Variants in TMX1 observed in about 807,000 individuals in gnomAD.
The protein encoded by TMX1 is thioredoxin related transmembrane protein 1.
Under a neutral mutation model 36.6 loss-of-function variants are expected in TMX1, and 25 were observed. That is an observed-to-expected ratio of 0.68 (90% confidence interval 0.50 to 0.95). TMX1 has a LOEUF of 0.95. Ranked by LOEUF, TMX1 falls within the 40% of genes least tolerant of loss-of-function variation. The pLI is 0.00. For synonymous variants in TMX1, 133 were observed against 118.0 expected (o/e 1.13, Z -0.82); for missense variants, 347 against 339.6 (o/e 1.02, Z -0.17).
intron 7 of TMX1, among the ~76,000 whole-genome samples, chr14:51,250,863 G>T (rs1566712335): frequency 6.6e-6 from 1 of 152,136 alleles, no homozygotes; most frequent in East Asian, 1.9e-4. Context: ...TGAATTTATA[G>T]TGTACCTTGT....
At chr14:51,245,987 A>G (rs749846750) in intron 3 of TMX1, 5 of 155,268 alleles carry the variant, frequency 3.2e-5, no homozygotes, top group Admixed American at 1.2e-4. Context: ...GTGTACCCCA[A>G]CATCATGTAG....
At chr14:51,249,632 A>G in intron 6 of TMX1, 61 bp from the exon 7 acceptor site, 2 of 1,594,978 alleles carry the variant, frequency 1.3e-6, no homozygotes, top group South Asian at 1.1e-5. Flanking sequence ...TATTTAAAAT[A>G]GTTACATTAG....
chr14:51,247,325 G>A, intron 4 of TMX1, 105 bp downstream of exon 4: 14 of 1,109,550 alleles, frequency 1.3e-5, no homozygotes, highest in Non-Finnish European at 1.6e-5. Context: ...GAGCTGTTAA[G>A]GTATATCCAC....
chr14:51,249,114 TTTTA>T (rs1386263210), intron 4 of TMX1, among the ~76,000 whole-genome samples: 2 of 152,180 alleles, frequency 1.3e-5, no homozygotes, highest in Non-Finnish European at 2.9e-5. Flanking sequence ...TGTCAAGTAT[TTTTA>T]TTTATGAGGC....
At chr14:51,247,324 A>G in intron 4 of TMX1, 104 bp downstream of exon 4, 4 of 1,140,858 alleles carry the variant, frequency 3.5e-6, no homozygotes, top group Non-Finnish European at 4.8e-6. Context: ...TGAGCTGTTA[A>G]GGTATATCCA....
In TMX1 at chr14:51,244,831, T is replaced by C. The variant is rs79737515; in HGVS notation, c.269-482T>C. Among the ~76,000 whole-genome samples the C allele has an allele frequency of 8.4e-3, 1,282 of 152,326 alleles. 21 individuals carry two copies. Among genetic ancestry groups the C allele is most frequent in the African/African-American group, 0.029 (1,216 of 41,570 alleles). On this transcript the variant is annotated intron_variant, in intron 2 of 7. Coordinates refer to ENST00000457354, the MANE Select transcript of TMX1 (RefSeq NM_030755.5). ...GGTCAATTCTCTGTAATATCAGTGC[T>C]TGACACATGGCTAACAATAAATGTT...
rs2065835119 is a variant in TMX1, at chr14:51,255,656, T to G, written c.*1137T>G. On this transcript the variant is annotated 3_prime_UTR_variant, in exon 8 of 8. Transcript: ENST00000457354. ...TTTTTATATTTTTTAAAAGACAAAC[T>G]TCATATTATCCTGTGTTCTTTCCTG... The G allele has an allele frequency of 6.6e-6, 1 of 152,122 alleles. No homozygotes were observed. The highest frequency in any genetic ancestry group is 1.9e-4 in the East Asian group (1 of 5,202). The allele number at this position is 152,122 out of a possible 1,614,324, so 9.4% of individuals were successfully genotyped here. A position where few individuals can be genotyped will look rare whatever the true frequency, so the allele number is the denominator to read the frequency against.
In TMX1 at chr14:51,240,368, G is replaced by A. The variant is rs1221090802; in HGVS notation, c.76G>A (p.Gly26Arg). Residue 26 changes from glycine (G) to arginine (R), a missense_variant, in exon 1 of 8, where the codon GGG becomes AGG. Coordinates refer to ENST00000457354, the MANE Select transcript of TMX1 (RefSeq NM_030755.5). ...LLLWGAPWTH[G>R]RRSNVRVITD... The stretch of plus-strand genomic sequence containing the variant: ...GCTTTGGGGTGCTCCCTGGACGCAC[G>A]GGCGGCGGAGCAACGTTCGCGTCAT... 1.9e-6 allele frequency: 3 copies of A among 1,614,026 alleles called. No homozygotes were observed. The highest frequency in any genetic ancestry group is 1.7e-6 in the Non-Finnish European group (2 of 1,180,006).
chr14:51,246,298 C>T (rs1596405369), intron 3 of TMX1, among the ~76,000 whole-genome samples: 1 of 152,066 alleles, frequency 6.6e-6, no homozygotes, highest in African/African-American at 2.4e-5. Flanking sequence ...TTACCATATC[C>T]TTTCTCCTGT....
Position 51,256,513 on chromosome 14 carries a change from G to C in TMX1, c.*1994G>C, listed in dbSNP as rs1275716832. On this transcript the variant is annotated 3_prime_UTR_variant, in exon 8 of 8. Coordinates refer to ENST00000457354, the MANE Select transcript of TMX1 (RefSeq NM_030755.5). ...GATTATTTACAAATGGTTTAGGAAA[G>C]AATAAGGTATAGTAAAAGTAATATC... is the stretch of plus-strand genomic sequence containing the variant. The C allele has an allele frequency of 6.6e-6, 1 of 152,110 alleles. No homozygotes were observed. Among genetic ancestry groups the C allele is most frequent in the Non-Finnish European group, 1.5e-5 (1 of 67,998 alleles). 9.4% of individuals were successfully genotyped at this position (152,110 alleles called of 1,614,324 possible).
Position 51,254,355 on chromosome 14 carries a change from G to A in TMX1, c.679G>A (p.Glu227Lys), listed in dbSNP as rs757533342. The change falls in exon 8 of 8, where the codon GAA becomes AAA. Residue 227 changes from glutamate (E) to lysine (K), a missense_variant. By Grantham distance (56) the Glu-to-Lys change is moderately conservative. Transcript: ENST00000457354. ...YPYPSKKLLS[E>K]SAQPLKKVEE... ...TTGTCTTTAAGAAAAATTATTATCA[G>A]AATCTGCACAACCTTTGAAAAAAGT... The A allele has an allele frequency of 2.5e-6, 4 of 1,590,030 alleles. No individual in the cohort carries two copies.
At chr14:51,249,269 T>G in intron 4 of TMX1, 57 bp from the exon 5 acceptor site, 1 of 1,400,246 alleles carries the variant, frequency 7.1e-7, no homozygotes, top group Non-Finnish European at 9.8e-7. Flanking sequence ...GAAAATAGTA[T>G]GTATAGACAA....
intron 7 of TMX1, among the ~76,000 whole-genome samples, chr14:51,250,496 G>A (rs1460908255): frequency 2.0e-5 from 3 of 151,798 alleles, no homozygotes; most frequent in African/African-American, 7.3e-5. Context: ...TTGTTTGTTT[G>A]TTTGTTTGTT....
At chr14:51,252,671 A>G (rs116509344) in intron 7 of TMX1, among the ~76,000 whole-genome samples, 148 of 152,296 alleles carry the variant, frequency 9.7e-4, no homozygotes, top group Middle Eastern at 3.4e-3. Context: ...CCCCTTCCGT[A>G]ATGGAACACA....
rs771199213 is a variant in TMX1, at chr14:51,243,871, C to T, written c.168C>T (p.Cys56=). The T allele has an allele frequency of 6.2e-7, 1 of 1,609,220 alleles. No individual in the cohort carries two copies. The highest frequency in any genetic ancestry group is 2.2e-5 in the East Asian group (1 of 44,730). The change falls in exon 2 of 8, where the codon TGC becomes TGT. Residue 56 remains cysteine (C), a synonymous_variant. Coordinates refer to ENST00000457354, the MANE Select transcript of TMX1 (RefSeq NM_030755.5). ...DWMIEFYAPW[C]PACQNLQPEW... is the part of the protein sequence containing the mutation. Reference sequence around the variant, plus strand: ...TATTTCTTAGTTATGCCCCGTGGTGCCCTGCTTGTCAAAATCTTCAACCGG... The same window carrying T: ...TATTTCTTAGTTATGCCCCGTGGTGTCCTGCTTGTCAAAATCTTCAACCGG...
chr14:51,247,170 G>C lies in TMX1; in HGVS notation c.393G>C (p.Glu131Asp). 6.2e-7 allele frequency: 1 copy of C among 1,613,482 alleles called. No homozygotes were observed. The highest frequency in any genetic ancestry group is 2.2e-5 in the East Asian group (1 of 44,828). Reference protein sequence around the residue: ...KDFINFISDKEWKSIEPVSSW... With the variant: ...KDFINFISDKDWKSIEPVSSW... ...TCATAAACTTTATAAGTGATAAAGAGTGGAAGAGTATTGAGCCCGTTTCAT... is the reference window on the plus strand; with the variant it reads ...TCATAAACTTTATAAGTGATAAAGACTGGAAGAGTATTGAGCCCGTTTCAT... Residue 131 changes from glutamate (E) to aspartate (D), a missense_variant, in exon 4 of 8, where the codon GAG becomes GAC. By Grantham distance (45) the Glu-to-Asp change is conservative (BLOSUM62 2). Transcript: ENST00000457354.
intron 4 of TMX1, among the ~76,000 whole-genome samples, chr14:51,247,561 G>A (rs1160385668): frequency 2.0e-5 from 3 of 152,030 alleles, no homozygotes; most frequent in African/African-American, 7.2e-5. Context: ...GTTTCACTGT[G>A]TTAGCCAGGA....
chr14:51,241,131 T>A (rs941043880), intron 1 of TMX1, among the ~76,000 whole-genome samples: 1 of 152,192 alleles, frequency 6.6e-6, no homozygotes, highest in African/African-American at 2.4e-5. Context: ...TCTTTGTAAA[T>A]GGTATTACAT....
intron 7 of TMX1, chr14:51,254,135 A>G (rs979809844): frequency 5.1e-6 from 2 of 389,622 alleles, no homozygotes; most frequent in South Asian, 5.5e-5. Context: ...AATGACTTTG[A>G]TAACTAAAAT....
Sources: allele counts gnomAD v4.1 joint callset (sites outside exome capture counted in the v4.1 genomes callset), GRCh38; gene constraint gnomAD v4.1.1; transcripts MANE v1.5; gene names NCBI Gene and HGNC (gene_info 2026-07-23, HGNC 2026-07-21).